The following SLFN5 variants were observed in gnomAD, a reference collection of about 807,000 sequenced individuals.
SLFN5 encodes schlafen family member 5.
SLFN5 carries 34 observed loss-of-function variants against 48.5 expected under a neutral mutation model. The observed-to-expected ratio is 0.70, with a 90% confidence interval of 0.53 to 0.93. SLFN5 has a LOEUF of 0.93. Among genes scored for constraint, SLFN5 ranks in the 40% least tolerant of loss-of-function variants. The probability of loss-of-function intolerance (pLI) is 0.00; values close to 1 mark genes in which losing one functional copy is unlikely to be tolerated. For missense variants in SLFN5, 1,006 were observed against 1,071.3 expected, an observed-to-expected ratio of 0.94 and a Z score of 0.85; for synonymous variants, 387 against 396.2, an observed-to-expected ratio of 0.98 and a Z score of 0.28.
intron 1 of SLFN5, among the ~76,000 whole-genome samples, chr17:35,250,385 C>A (rs555238190): frequency 6.6e-6 from 1 of 152,144 alleles, no homozygotes; most frequent in Non-Finnish European, 1.5e-5. Flanking sequence ...GATGGCTGGG[C>A]GCGGTGGCTC....
In SLFN5 at chr17:35,271,580, CA is replaced by C. The variant is rs1213959911; in HGVS notation, c.*5698del. 6.6e-6 allele frequency: 1 copy of C among 151,772 alleles called. No homozygotes were observed. Among genetic ancestry groups the C allele is most frequent in the Non-Finnish European group, 1.5e-5 (1 of 67,930 alleles). The allele number at this position is 151,772 out of a possible 1,614,324, so 9.4% of individuals were successfully genotyped here. A position where few individuals can be genotyped will look rare whatever the true frequency, so the allele number is the denominator to read the frequency against. The stretch of plus-strand genomic sequence containing the variant: ...AACTATACAATGAAACTAAAGAGCA[CA>C]AAAAAGAACTTAAACAGATAAAAAG... On this transcript the variant is annotated 3_prime_UTR_variant, in exon 5 of 5. Transcript: ENST00000299977.
chr17:35,265,231 G>T lies in SLFN5; in HGVS notation c.2019G>T (p.Arg673Ser). 1 of 1,614,188 alleles carries T rather than the reference G, an allele frequency of 6.2e-7. No individual in the cohort carries two copies. The highest frequency in any genetic ancestry group is 8.5e-7 in the Non-Finnish European group (1 of 1,180,046). ...GKAKFITQTA[R>S]DGPGVLWIFL... The stretch of plus-strand genomic sequence containing the variant: ...CAAAGTTCATCACTCAGACAGCAAG[G>T]GATGGCCCAGGAGTTCTCTGGATCT... Residue 673 changes from arginine to serine, a missense_variant, in exon 5 of 5, where the codon AGG becomes AGT. Physicochemically the swap from Arg to Ser is moderately radical, Grantham distance 110 (BLOSUM62 -1). Transcript: ENST00000299977.
chr17:35,258,861 A>G lies in SLFN5; in HGVS notation c.171A>G (p.Ile57Met), dbSNP rs771075051. Residue 57 changes from isoleucine to methionine, a missense_variant, in exon 2 of 5, where the codon ATA becomes ATG. By Grantham distance (10) the Ile-to-Met change is conservative. Transcript: ENST00000299977. ...VCALLNSGGG[I>M]IKAEIENKGY... ...CTCTGCTGAATTCTGGTGGGGGCAT[A>G]ATCAAGGCTGAGATTGAGAACAAAG... The G allele has an allele frequency of 1.2e-6, 2 of 1,614,234 alleles. No individual in the cohort carries two copies. The highest frequency in any genetic ancestry group is 1.7e-6 in the Non-Finnish European group (2 of 1,180,040).
rs1320863045 is a variant in SLFN5 at position 35,273,560 on chromosome 17, A to C, written c.*7672A>C. ...ACATATGAAAAATGTAGAAAATACA[A>C]AAAGTGTCTATATATACAAAAATGT... On this transcript the variant is annotated 3_prime_UTR_variant, in exon 5 of 5. Coordinates refer to ENST00000299977, the MANE Select transcript of SLFN5 (RefSeq NM_144975.4). 6.6e-6 allele frequency: 1 copy of C among 152,256 alleles called. No homozygotes were observed. 9.4% of individuals were successfully genotyped at this position (152,256 alleles called of 1,614,324 possible). A position where few individuals can be genotyped will look rare whatever the true frequency, so the allele number is the denominator to read the frequency against.
chr17:35,258,768 G>T lies in SLFN5; in HGVS notation c.78G>T (p.Gln26His), dbSNP rs1456571302. Residue 26 changes from glutamine to histidine, a missense_variant, in exon 2 of 5, where the codon CAG (glutamine) becomes CAT (histidine). By Grantham distance (24) the Gln-to-His change is conservative. Transcript: ENST00000299977. ...CAGGAAAAGTCACCCTTGGGACTCA[G>T]CAGAGGCAGGAGATGGACCCTCGCC... is the stretch of plus-strand genomic sequence containing the variant. ...VDAGKVTLGT[Q>H]QRQEMDPRLR... 6.2e-7 allele frequency: 1 copy of T among 1,614,054 alleles called. No homozygotes were observed. Among genetic ancestry groups the T allele is most frequent in the East Asian group, 2.2e-5 (1 of 44,896 alleles).
At position 35,258,781 on chromosome 17, in the gene SLFN5, A is replaced by G; in HGVS notation, c.91A>G (p.Met31Val). ...VTLGTQQRQE[M>V]DPRLREKQNE... ...CCTTGGGACTCAGCAGAGGCAGGAG[A>G]TGGACCCTCGCCTGCGGGAGAAACA... Residue 31 changes from methionine to valine, a missense_variant, in exon 2 of 5, where the codon ATG (methionine) becomes GTG (valine). Physicochemically the swap from Met to Val is conservative, Grantham distance 21. Coordinates refer to ENST00000299977, the MANE Select transcript of SLFN5 (RefSeq NM_144975.4). 6.2e-7 allele frequency: 1 copy of G among 1,614,154 alleles called. No homozygotes were observed. The highest frequency in any genetic ancestry group is 1.1e-5 in the South Asian group (1 of 91,084).
At position 35,272,825 on chromosome 17, in the gene SLFN5, G is replaced by A. The variant is rs941512728; in HGVS notation, c.*6937G>A. Reference sequence around the variant, plus strand: ...ATCAATTGACAAAATTACTCAGATTGGTAACAAACTTTAAGGGGGAAAGCA... The same window carrying A: ...ATCAATTGACAAAATTACTCAGATTAGTAACAAACTTTAAGGGGGAAAGCA... On this transcript the variant is annotated 3_prime_UTR_variant, in exon 5 of 5. Transcript: ENST00000299977. 6 of 152,256 alleles carry A rather than the reference G, an allele frequency of 3.9e-5. No individual in the cohort carries two copies. The highest frequency in any genetic ancestry group is 1.4e-4 in the African/African-American group (6 of 41,544). The allele number at this position is 152,256 out of a possible 1,614,324, so 9.4% of individuals were successfully genotyped here. A position where few individuals can be genotyped will look rare whatever the true frequency, so the allele number is the denominator to read the frequency against.
rs1196269410 is a variant in SLFN5 at position 35,264,280 on chromosome 17, C to T, written c.1236C>T (p.Arg412=). 50 of 1,614,022 alleles carry T rather than the reference C, an allele frequency of 3.1e-5. No homozygotes were observed. Among genetic ancestry groups the T allele is most frequent in the Non-Finnish European group, 4.1e-5 (48 of 1,180,048 alleles). The change falls in exon 4 of 5, where the codon CGC becomes CGT. Residue 412 remains arginine (R), a synonymous_variant. Coordinates refer to ENST00000299977, the MANE Select transcript of SLFN5 (RefSeq NM_144975.4). ...GLRDLINTEM[R]PFSQGILIFS... Reference sequence around the variant, plus strand: ...GAGACTTAATAAATACAGAAATGCGCCCTTTCTCTCAAGGAATATTGATTT... The same window carrying T: ...GAGACTTAATAAATACAGAAATGCGTCCTTTCTCTCAAGGAATATTGATTT...
Position 35,258,994 on chromosome 17 carries a change from T to C in SLFN5, c.304T>C (p.Trp102Arg), listed in dbSNP as rs1030138232. Residue 102 changes from tryptophan (W) to arginine (R), a missense_variant, in exon 2 of 5, where the codon TGG becomes CGG. Physicochemically the swap from Trp to Arg is moderately radical, Grantham distance 101. Coordinates refer to ENST00000299977, the MANE Select transcript of SLFN5 (RefSeq NM_144975.4). ...CCACTTTTTGATTTTTGTGAAATCA[T>C]GGAACACAGAGGCTGGTGTGCCACT... ...ENHFLIFVKS[W>R]NTEAGVPLAT... is the part of the protein sequence containing the mutation. 2.4e-5 allele frequency: 39 copies of C among 1,614,100 alleles called. No homozygotes were observed. The highest frequency in any genetic ancestry group is 3.3e-5 in the Non-Finnish European group (39 of 1,180,050).
chr17:35,249,184 TA>T (rs1176436902), intron 1 of SLFN5, among the ~76,000 whole-genome samples: 2 of 152,162 alleles, frequency 1.3e-5, no homozygotes, highest in Non-Finnish European at 1.5e-5. Context: ...GACTTAATTC[TA>T]AAACAGAAAT....
chr17:35,245,937 T>C lies in SLFN5; in HGVS notation c.-41+2794T>C, dbSNP rs182078301. Among the ~76,000 whole-genome samples the C allele has an allele frequency of 1.5e-3, 235 of 152,136 alleles. 2 individuals carry two copies. The highest frequency in any genetic ancestry group is 3.3e-3 in the Admixed American group (50 of 15,282). Reference sequence around the variant, plus strand: ...ACTGCCAAATTCTTTTCCAAAATGGTCGTACCCCTTTATATCCCTACAAGG... The same window carrying C: ...ACTGCCAAATTCTTTTCCAAAATGGCCGTACCCCTTTATATCCCTACAAGG... On this transcript the variant is annotated intron_variant, in intron 1 of 4. Coordinates refer to ENST00000299977, the MANE Select transcript of SLFN5 (RefSeq NM_144975.4).
In SLFN5 at chr17:35,271,282, G is replaced by T. The variant is rs1176438695; in HGVS notation, c.*5394G>T. On this transcript the variant is annotated 3_prime_UTR_variant, in exon 5 of 5. Transcript: ENST00000299977. ...CCAAGTCAGAAAAACTATTCATATA[G>T]GGATGGGCTATTAGCAAGAGTATAT... The T allele has an allele frequency of 2.0e-5, 3 of 152,120 alleles. No homozygotes were observed. The South Asian group carries it at 6.2e-4, about 32-fold the overall frequency. The allele number at this position is 152,120 out of a possible 1,614,324, so 9.4% of individuals were successfully genotyped here.
intron 1 of SLFN5, among the ~76,000 whole-genome samples, chr17:35,250,361 A>G (rs893103800): frequency 3.9e-5 from 6 of 152,202 alleles, no homozygotes; most frequent in Admixed American, 6.5e-5. Context: ...CAGATGCTCA[A>G]GTAAGAGTTA....
rs755678957 is a variant in SLFN5 at position 35,265,812 on chromosome 17, C to T, written c.2600C>T (p.Ala867Val). Residue 867 changes from alanine (A) to valine (V), a missense_variant, in exon 5 of 5, where the codon GCT becomes GTT. Physicochemically the swap from Ala to Val is moderately conservative, Grantham distance 64. Coordinates refer to ENST00000299977, the MANE Select transcript of SLFN5 (RefSeq NM_144975.4). ...FGINPGVAPP[A>V]GAYNLLLCLA... ...ATCAATCCAGGAGTAGCCCCACCGG[C>T]TGGGGCCTACAATCTTCTGCTCTGT... 6.2e-7 allele frequency: 1 copy of T among 1,614,162 alleles called. No individual in the cohort carries two copies. The highest frequency in any genetic ancestry group is 1.1e-5 in the South Asian group (1 of 91,074).
chr17:35,258,955 A>T lies in SLFN5; in HGVS notation c.265A>T (p.Met89Leu), dbSNP rs1297688107. The change falls in exon 2 of 5, where the codon ATG becomes TTG. Residue 89 changes from methionine to leucine, a missense_variant. Transcript: ENST00000299977. ...PPIFRSHLDK[M>L]QKENHFLIFV... is the part of the protein sequence containing the mutation. ...AATTTTCAGAAGCCATTTAGATAAG[A>T]TGCAGAAGGAAAACCACTTTTTGAT... 4.3e-6 allele frequency: 7 copies of T among 1,614,082 alleles called. No homozygotes were observed. The highest frequency in any genetic ancestry group is 5.9e-6 in the Non-Finnish European group (7 of 1,180,052).
At position 35,264,388 on chromosome 17, in the gene SLFN5, C is replaced by T. The variant is rs950113491; in HGVS notation, c.1344C>T (p.Asn448=). 6.2e-7 allele frequency: 1 copy of T among 1,614,142 alleles called. No homozygotes were observed. Among genetic ancestry groups the T allele is most frequent in the Non-Finnish European group, 8.5e-7 (1 of 1,180,012 alleles). The part of the protein sequence containing the change: ...ICDALLISQN[N]TPILYTIFSK... ...ATGCTCTTCTAATTTCCCAGAACAACACCCCTATTCTCTACACCATCTTCA... is the reference window on the plus strand; with the variant it reads ...ATGCTCTTCTAATTTCCCAGAACAATACCCCTATTCTCTACACCATCTTCA... Residue 448 remains asparagine, a synonymous_variant, in exon 4 of 5, where the codon AAC becomes AAT. Coordinates refer to ENST00000299977, the MANE Select transcript of SLFN5 (RefSeq NM_144975.4).
chr17:35,252,874 C>T (rs543337744), intron 1 of SLFN5, among the ~76,000 whole-genome samples: 1 of 151,926 alleles, frequency 6.6e-6, no homozygotes, highest in African/African-American at 2.4e-5. Context: ...TTGCCAGGAG[C>T]CTCTTGTCTC....
Position 35,265,483 on chromosome 17 carries a change from C to T in SLFN5, c.2271C>T (p.Asn757=). The T allele has an allele frequency of 6.2e-7, 1 of 1,614,188 alleles. No individual in the cohort carries two copies. Among genetic ancestry groups the T allele is most frequent in the East Asian group, 2.2e-5 (1 of 44,890 alleles). Residue 757 remains asparagine, a synonymous_variant, in exon 5 of 5, where the codon AAC becomes AAT. Transcript: ENST00000299977. Reference sequence around the variant, plus strand: ...AATGGGCTCAAGGTGTCCCAGGCAACTTAGAGATTATTGAAGACTTGAACT... The same window carrying T: ...AATGGGCTCAAGGTGTCCCAGGCAATTTAGAGATTATTGAAGACTTGAACT... The part of the protein sequence containing the change: ...EPKWAQGVPG[N]LEIIEDLNLE...
Position 35,259,596 on chromosome 17 carries a change from C to CTGTGCGG in SLFN5, c.910_916dup (p.Phe306CysfsTer8). 1 of 1,611,478 alleles carries CTGTGCGG rather than the reference C, an allele frequency of 6.2e-7. No individual in the cohort carries two copies. The highest frequency in any genetic ancestry group is 8.5e-7 in the Non-Finnish European group (1 of 1,180,014). ...GTGCAATCAAGGTGGAGAAATTCTG[C>CTGTGCGG]TGTGCGGTGTTTGCCAAAGTGCCTA... On this transcript the variant is annotated frameshift_variant, in exon 2 of 5. Transcript: ENST00000299977. LOFTEE classifies it high-confidence loss of function.
Sources: gnomAD v4.1 joint callset for allele counts (sites outside exome capture counted in the v4.1 genomes callset) on GRCh38, gnomAD v4.1.1 for gene constraint, MANE v1.5 for transcripts, NCBI Gene and HGNC (gene_info 2026-07-23, HGNC 2026-07-21) for gene names.